MCUB: variants seen among roughly 807,000 people sequenced by gnomAD.
MCUB encodes the protein calcium uniporter regulatory subunit MCUb, mitochondrial.
Under a neutral mutation model 41.4 loss-of-function variants are expected in MCUB, and 46 were observed. That is an observed-to-expected ratio of 1.11 (90% CI 0.88 to 1.42). The LOEUF is 1.42. Ranked by LOEUF, MCUB falls within the 40% of genes most tolerant of loss-of-function variation. The probability of loss-of-function intolerance (pLI) is 0.00; values close to 1 mark genes in which losing one functional copy is unlikely to be tolerated. For missense variants in MCUB, 403 were observed against 404.9 expected, an observed-to-expected ratio of 1.00 and a Z score of 0.04; for synonymous variants, 148 against 148.2, an observed-to-expected ratio of 1.00 and a Z score of 0.01.
At chr4:109,616,438 T>C (rs899985138) in intron 1 of MCUB, among the ~76,000 whole-genome samples, 1 of 152,232 alleles carries the variant, frequency 6.6e-6, no homozygotes, top group Admixed American at 6.5e-5. Context: ...GTATTGTCCA[T>C]GTTGTGAGCC....
At chr4:109,663,880 AC>A (rs1729280476) in intron 3 of MCUB, among the ~76,000 whole-genome samples, 1 of 151,030 alleles carries the variant, frequency 6.6e-6, no homozygotes, top group Non-Finnish European at 1.5e-5. Flanking sequence ...GACCAGGTTA[AC>A]CCAGTAACCA....
At chr4:109,657,107 T>A (rs1333831420) in intron 1 of MCUB, among the ~76,000 whole-genome samples, 1 of 151,268 alleles carries the variant, frequency 6.6e-6, no homozygotes, top group African/African-American at 2.4e-5. Context: ...TAACCCCAGC[T>A]ACTTGGGAGG....
In MCUB at chr4:109,637,105, G is replaced by T. The variant is rs116344253; in HGVS notation, c.100-21906G>T. Among the ~76,000 whole-genome samples, 1,079 of 152,298 alleles carry T rather than the reference G, an allele frequency of 7.1e-3. 12 individuals carry two copies. Among genetic ancestry groups the T allele is most frequent in the African/African-American group, 0.025 (1,029 of 41,556 alleles). ...AAGAGGAAGCAGGCATAGAGAAAGG[G>T]CAGTCAGAAGGCAGGAGAAGCTTGA... is the stretch of plus-strand genomic sequence containing the variant. On this transcript the variant is annotated intron_variant, in intron 1 of 7. Coordinates refer to ENST00000394650, the MANE Select transcript of MCUB (RefSeq NM_017918.5).
At chr4:109,572,807 A>G (rs902446815) in intron 1 of MCUB, among the ~76,000 whole-genome samples, 2 of 152,166 alleles carry the variant, frequency 1.3e-5, no homozygotes, top group African/African-American at 2.4e-5. Context: ...TACTACTACA[A>G]TATAATTATT....
intron 1 of MCUB, among the ~76,000 whole-genome samples, chr4:109,592,719 C>A (rs1466878422): frequency 1.3e-5 from 2 of 152,116 alleles, no homozygotes; most frequent in African/African-American, 2.4e-5. Flanking sequence ...GTTTATAGTT[C>A]TTTTTAAAAT....
intron 1 of MCUB, among the ~76,000 whole-genome samples, chr4:109,643,341 C>A (rs1728763793): frequency 6.7e-6 from 1 of 148,370 alleles, no homozygotes; most frequent in African/African-American, 2.5e-5. Context: ...TGCACTACCA[C>A]ACCCAGCTAA....
At chr4:109,583,158 C>T (rs767312930) in intron 1 of MCUB, among the ~76,000 whole-genome samples, 5 of 152,066 alleles carry the variant, frequency 3.3e-5, no homozygotes, top group East Asian at 1.9e-4. Context: ...TTGGGCGGTA[C>T]GGCCATTTTC....
At chr4:109,682,351 A>ACTG (rs1729737658) in intron 4 of MCUB, among the ~76,000 whole-genome samples, 1 of 150,166 alleles carries the variant, frequency 6.7e-6, no homozygotes, top group Non-Finnish European at 1.5e-5. Flanking sequence ...TTGTATATGA[A>ACTG]CTGCTCTTCA....
At chr4:109,648,654 G>T (rs1237816583) in intron 1 of MCUB, 4 of 433,998 alleles carry the variant, frequency 9.2e-6, no homozygotes, top group African/African-American at 8.5e-5. Context: ...CTAGAGGCAA[G>T]TAAGAGTTCA....
chr4:109,582,548 A>G (rs1363721252), intron 1 of MCUB, among the ~76,000 whole-genome samples: 1 of 109,590 alleles, frequency 9.1e-6, no homozygotes, highest in Admixed American at 1.1e-4. Context: ...TAAAAAAAAA[A>G]TCACAGTTTA....
At chr4:109,587,682 G>C (rs61006726) in intron 1 of MCUB, among the ~76,000 whole-genome samples, 12 of 152,218 alleles carry the variant, frequency 7.9e-5, no homozygotes, top group Middle Eastern at 3.4e-3. Flanking sequence ...TTAAAAAAAG[G>C]TTCTAGATTT....
intron 7 of MCUB, among the ~76,000 whole-genome samples, chr4:109,686,780 G>T (rs1000377130): frequency 6.6e-6 from 1 of 152,136 alleles, no homozygotes; most frequent in Non-Finnish European, 1.5e-5. Context: ...GGAAGCTGAA[G>T]CAGGAAGATC....
At chr4:109,647,987 G>A (rs970599378) in intron 1 of MCUB, among the ~76,000 whole-genome samples, 14 of 152,040 alleles carry the variant, frequency 9.2e-5, no homozygotes, top group African/African-American at 3.1e-4. Context: ...TGAACTAGAG[G>A]AAAAAGTACT....
chr4:109,677,759 C>T (rs1427356006), intron 4 of MCUB, among the ~76,000 whole-genome samples: 3 of 148,894 alleles, frequency 2.0e-5, no homozygotes, highest in African/African-American at 7.5e-5. Context: ...TCTTGGATTT[C>T]CCAGCCTCCA....
chr4:109,661,429 TAGAG>T (rs1187089039), intron 3 of MCUB, among the ~76,000 whole-genome samples: 1 of 152,086 alleles, frequency 6.6e-6, no homozygotes, highest in Non-Finnish European at 1.5e-5. Context: ...AATTAAAAGA[TAGAG>T]AAGTTGGAAA....
intron 6 of MCUB, 108 bp downstream of exon 6, chr4:109,684,754 G>A (rs952648598): frequency 1.1e-5 from 7 of 620,268 alleles, no homozygotes; most frequent in Admixed American, 6.0e-5. Flanking sequence ...CTGCCATCTG[G>A]TTTTTATGAG....
At chr4:109,677,791 T>C (rs1729604863) in intron 4 of MCUB, among the ~76,000 whole-genome samples, 1 of 145,730 alleles carries the variant, frequency 6.9e-6, no homozygotes, top group Non-Finnish European at 1.5e-5. Flanking sequence ...CTGTTCCTTA[T>C]AAGGAAACAA....
chr4:109,560,449 G>C lies in MCUB; in HGVS notation c.99+13G>C, dbSNP rs1257957545. The C allele has an allele frequency of 8.1e-7, 1 of 1,232,202 alleles. No homozygotes were observed. Among genetic ancestry groups the C allele is most frequent in the Non-Finnish European group, 1.0e-6 (1 of 972,328 alleles). 76.3% of individuals were successfully genotyped at this position (1,232,202 alleles called of 1,614,324 possible). A position where few individuals can be genotyped will look rare whatever the true frequency, so the allele number is the denominator to read the frequency against. ...GCCTCCGCCCCAGGTAAGAGCGGGT[G>C]CCGGGCTGTGGGGGTTCGGGGTAGG... On this transcript the variant is annotated intron_variant, in intron 1 of 7. Coordinates refer to ENST00000394650, the MANE Select transcript of MCUB (RefSeq NM_017918.5).
In MCUB at chr4:109,560,252, C is replaced by T. The variant is rs553205029; in HGVS notation, c.-86C>T. On this transcript the variant is annotated 5_prime_UTR_variant, in exon 1 of 8. Coordinates refer to ENST00000394650, the MANE Select transcript of MCUB (RefSeq NM_017918.5). Reference sequence around the variant, plus strand: ...AGGCGGGGCGGGAGCGCCCACAGCTCGGAGCCACCAGGCGCTGACGAGGAG... The same window carrying T: ...AGGCGGGGCGGGAGCGCCCACAGCTTGGAGCCACCAGGCGCTGACGAGGAG... 1,045 of 648,074 alleles carry T rather than the reference C, an allele frequency of 1.6e-3. 9 individuals are homozygous for T. Among genetic ancestry groups the T allele is most frequent in the Middle Eastern group, 6.8e-3 (14 of 2,054 alleles). 40.1% of individuals were successfully genotyped at this position (648,074 alleles called of 1,614,324 possible).
Sources: gnomAD v4.1 joint callset for allele counts (sites outside exome capture counted in the v4.1 genomes callset) on GRCh38, gnomAD v4.1.1 for gene constraint, MANE v1.5 for transcripts, NCBI Gene and HGNC (gene_info 2026-07-23, HGNC 2026-07-21) for gene names.